Variants in BAIAP2L1 observed in about 807,000 individuals in gnomAD.
The protein encoded by BAIAP2L1 is BAR/IMD domain-containing adapter protein 2-like 1.
A neutral mutation model predicts 66.3 loss-of-function variants in BAIAP2L1; 35 were observed. The observed-to-expected ratio is 0.53, with a 90% CI of 0.40 to 0.70. The LOEUF (loss-of-function observed/expected upper bound fraction) is 0.70. Among genes scored for constraint, BAIAP2L1 ranks in the 30% least tolerant of loss-of-function variants. The pLI, the probability that BAIAP2L1 is intolerant of heterozygous loss-of-function variation, is 0.00. For synonymous variants in BAIAP2L1, 269 were observed against 248.7 expected, an observed-to-expected ratio of 1.08 and a Z score of -0.77; for missense variants, 622 against 656.9, an observed-to-expected ratio of 0.95 and a Z score of 0.58.
chr7:98,376,056 T>A (rs1802620523), intron 1 of BAIAP2L1, among the ~76,000 whole-genome samples: 1 of 152,198 alleles, frequency 6.6e-6, no homozygotes, highest in East Asian at 1.9e-4. Flanking sequence ...TACATTTCAC[T>A]CTTACATCTT....
chr7:98,385,807 T>G, intron 1 of BAIAP2L1: 1 of 1,530,126 alleles, frequency 6.5e-7, no homozygotes, highest in Non-Finnish European at 8.9e-7. Flanking sequence ...AACAGATTCT[T>G]GGACTGGTGG....
chr7:98,393,238 C>T (rs1377817731), intron 1 of BAIAP2L1, among the ~76,000 whole-genome samples: 4 of 150,854 alleles, frequency 2.7e-5, no homozygotes, highest in African/African-American at 4.9e-5. Context: ...GATGGGGTTT[C>T]GCCATGTTGG....
At chr7:98,304,439 C>T in intron 11 of BAIAP2L1, 63 bp from the exon 12 acceptor site, 1 of 1,543,136 alleles carries the variant, frequency 6.5e-7, no homozygotes, top group Non-Finnish European at 8.9e-7. Context: ...CCCAAACATC[C>T]TCTGTGTCCC....
At chr7:98,345,639 C>T (rs760064666) in intron 3 of BAIAP2L1, among the ~76,000 whole-genome samples, 1 of 151,942 alleles carries the variant, frequency 6.6e-6, no homozygotes, top group African/African-American at 2.4e-5. Context: ...GGACGAGAAT[C>T]GCTTCAACCT....
chr7:98,365,992 G>T (rs1201285261), intron 1 of BAIAP2L1, among the ~76,000 whole-genome samples: 1 of 152,112 alleles, frequency 6.6e-6, no homozygotes, highest in South Asian at 2.1e-4. Flanking sequence ...CGTGCAGCCC[G>T]TCACTGCCGG....
At chr7:98,391,184 C>T (rs1179260803) in intron 1 of BAIAP2L1, among the ~76,000 whole-genome samples, 1 of 151,996 alleles carries the variant, frequency 6.6e-6, no homozygotes, top group Non-Finnish European at 1.5e-5. Context: ...CATCTTCACC[C>T]ACCTGCTGTT....
At chr7:98,359,348 C>T (rs1470114554) in intron 2 of BAIAP2L1, among the ~76,000 whole-genome samples, 1 of 150,952 alleles carries the variant, frequency 6.6e-6, no homozygotes, top group African/African-American at 2.4e-5. Flanking sequence ...TCTCTGCTCA[C>T]TGCAACCTTT....
chr7:98,297,136 G>A (rs1233669172), intron 12 of BAIAP2L1, among the ~76,000 whole-genome samples: 1 of 152,214 alleles, frequency 6.6e-6, no homozygotes, highest in Non-Finnish European at 1.5e-5. Flanking sequence ...GGAGACTATA[G>A]AGCGAGGCCA....
At chr7:98,376,320 T>C (rs1029117130) in intron 1 of BAIAP2L1, among the ~76,000 whole-genome samples, 9 of 148,904 alleles carry the variant, frequency 6.0e-5, no homozygotes, top group Admixed American at 4.7e-4. Flanking sequence ...CTGGGCAACA[T>C]AGTGAGACCC....
chr7:98,301,012 C>A (rs1322311436), intron 12 of BAIAP2L1, among the ~76,000 whole-genome samples: 1 of 152,180 alleles, frequency 6.6e-6, no homozygotes, highest in Non-Finnish European at 1.5e-5. Flanking sequence ...TCCACCCCTG[C>A]GTGGGTCTCA....
chr7:98,361,271 C>T (rs188129139), intron 2 of BAIAP2L1, among the ~76,000 whole-genome samples: 1 of 151,630 alleles, frequency 6.6e-6, no homozygotes, highest in Non-Finnish European at 1.5e-5. Flanking sequence ...GCAGAAGAAT[C>T]GCTTGAGCCT....
At chr7:98,397,899 G>T (rs1015746812) in intron 1 of BAIAP2L1, among the ~76,000 whole-genome samples, 2 of 152,090 alleles carry the variant, frequency 1.3e-5, no homozygotes, top group African/African-American at 2.4e-5. Flanking sequence ...ATCCTCCTGG[G>T]AGTTAGCATG....
At chr7:98,317,473 C>A (rs1222613748) in intron 5 of BAIAP2L1, 117 bp from the exon 6 acceptor site, 2 of 1,328,386 alleles carry the variant, frequency 1.5e-6, no homozygotes, top group Non-Finnish European at 2.1e-6. Context: ...ACCCTCACTT[C>A]ACACCATCCT....
chr7:98,317,399 C>T (rs749979277), intron 5 of BAIAP2L1, 43 bp from the exon 6 acceptor site: 60 of 1,606,226 alleles, frequency 3.7e-5, no homozygotes, highest in Admixed American at 1.8e-4. Flanking sequence ...TGGCACCACA[C>T]GAATTGTCAC....
At chr7:98,348,922 C>T (rs1801936980) in intron 3 of BAIAP2L1, among the ~76,000 whole-genome samples, 1 of 152,254 alleles carries the variant, frequency 6.6e-6, no homozygotes. Flanking sequence ...GGCATGCTAT[C>T]CAGCAGTCTC....
chr7:98,393,185 G>A (rs1293755471), intron 1 of BAIAP2L1, among the ~76,000 whole-genome samples: 14 of 83,700 alleles, frequency 1.7e-4, no homozygotes, highest in Middle Eastern at 8.8e-3. Flanking sequence ...ATACATATAT[G>A]TGTGTGTTTA....
rs763937289 is a variant in BAIAP2L1 at position 98,292,721 on chromosome 7, A to G, written c.*800T>C. The G allele has an allele frequency of 1.9e-4, 297 of 1,551,528 alleles. No individual in the cohort carries two copies. Among genetic ancestry groups the G allele is most frequent in the Non-Finnish European group, 2.4e-4 (277 of 1,146,976 alleles). ...ACACGGAGAAACCAGGACCCCGAGC[A>G]GTTTGAGTGTACTGGTAATGGATGC... On this transcript the variant is annotated 3_prime_UTR_variant, in exon 14 of 14. Coordinates refer to ENST00000005260, the MANE Select transcript of BAIAP2L1 (RefSeq NM_018842.5).
Position 98,358,889 on chromosome 7 carries a change from T to TCC in BAIAP2L1, c.127+3466_127+3467dup, listed in dbSNP as rs1802200998. ...CTCCCGGAATTCCCAGCGTATGTGG[T>TCC]CCCCTACCAGGTGGTGTGGCCATGG... On this transcript the variant is annotated intron_variant, in intron 2 of 13. Transcript: ENST00000005260. Among the ~76,000 whole-genome samples, 3 of 152,228 alleles carry TCC rather than the reference T, an allele frequency of 2.0e-5. No homozygotes were observed. In the East Asian group the frequency reaches 5.8e-4, roughly 30 times the overall value.
intron 1 of BAIAP2L1, among the ~76,000 whole-genome samples, chr7:98,390,467 G>A (rs1345877372): frequency 3.3e-5 from 5 of 151,542 alleles, no homozygotes; most frequent in East Asian, 2.0e-4. Context: ...AGTGGCTCAC[G>A]CCTGTAATCC....
Sources: gnomAD v4.1 joint callset for allele counts (sites outside exome capture counted in the v4.1 genomes callset) on GRCh38, gnomAD v4.1.1 for gene constraint, MANE v1.5 for transcripts, NCBI Gene and HGNC (gene_info 2026-07-23, HGNC 2026-07-21) for gene names.